Variants in RTN1 observed in about 807,000 individuals in gnomAD.
The protein encoded by RTN1 is reticulon 1.
Under a neutral mutation model 65.5 loss-of-function variants are expected in RTN1, and 25 were observed. The observed-to-expected ratio is 0.38, with a 90% CI of 0.28 to 0.53. RTN1 has a LOEUF of 0.53. RTN1 is among the 20% of genes least tolerant of loss of function. RTN1 has a pLI of 0.79. For synonymous variants in RTN1, 471 were observed against 447.6 expected, an observed-to-expected ratio of 1.05 and a Z score of -0.66; for missense variants, 983 against 1,025.4, an observed-to-expected ratio of 0.96 and a Z score of 0.57.
At chr14:59,830,553 C>G (rs1211079600) in intron 1 of RTN1, among the ~76,000 whole-genome samples, 2 of 152,116 alleles carry the variant, frequency 1.3e-5, no homozygotes, top group Admixed American at 6.5e-5. Flanking sequence ...TGTGTGACTC[C>G]GAGCAAACAG....
At chr14:59,688,064 G>C (rs1883885138) in intron 3 of RTN1, among the ~76,000 whole-genome samples, 1 of 151,902 alleles carries the variant, frequency 6.6e-6, no homozygotes, top group Non-Finnish European at 1.5e-5. Flanking sequence ...ATGTAGAACA[G>C]AAGCCTGAGC....
At chr14:59,757,928 T>C (rs1002079786) in intron 1 of RTN1, among the ~76,000 whole-genome samples, 1 of 152,220 alleles carries the variant, frequency 6.6e-6, no homozygotes, top group Non-Finnish European at 1.5e-5. Context: ...AAGTTTACTC[T>C]TGGTGGTGTA....
intron 3 of RTN1, chr14:59,630,354 G>T: frequency 2.0e-6 from 3 of 1,531,160 alleles, no homozygotes; most frequent in Admixed American, 1.7e-5. Context: ...AGCATGCACA[G>T]GTCCCACAGG....
chr14:59,722,923 G>A (rs966626753), intron 3 of RTN1, among the ~76,000 whole-genome samples: 1 of 151,410 alleles, frequency 6.6e-6, no homozygotes, highest in Non-Finnish European at 1.5e-5. Context: ...TCAGCCACCT[G>A]AGTAGCTGGG....
intron 2 of RTN1, among the ~76,000 whole-genome samples, chr14:59,732,011 G>A (rs1051609765): frequency 1.3e-5 from 2 of 152,330 alleles, no homozygotes; most frequent in Admixed American, 6.5e-5. Context: ...AGGTGCAATT[G>A]TGTTGTACAA....
intron 1 of RTN1, among the ~76,000 whole-genome samples, chr14:59,791,176 T>C (rs1340806713): frequency 6.6e-6 from 1 of 152,196 alleles, no homozygotes; most frequent in Admixed American, 6.6e-5. Flanking sequence ...CATTCTGTTC[T>C]CCTCTCTTTT....
chr14:59,823,091 G>C (rs1886971319), intron 1 of RTN1, among the ~76,000 whole-genome samples: 1 of 152,214 alleles, frequency 6.6e-6, no homozygotes, highest in South Asian at 2.1e-4. Flanking sequence ...GTCTAACACT[G>C]TTGTCACTGG....
At chr14:59,617,677 T>C (rs1882141462) in intron 3 of RTN1, among the ~76,000 whole-genome samples, 1 of 152,208 alleles carries the variant, frequency 6.6e-6, no homozygotes, top group Admixed American at 6.5e-5. Context: ...GAAGCAAATC[T>C]TTGCTTTTAA....
intron 1 of RTN1, among the ~76,000 whole-genome samples, chr14:59,782,150 C>A (rs1008186910): frequency 1.2e-4 from 18 of 152,178 alleles, no homozygotes; most frequent in African/African-American, 3.9e-4. Flanking sequence ...GACACCAAAT[C>A]TGCCTTGATC....
intron 1 of RTN1, among the ~76,000 whole-genome samples, chr14:59,848,404 C>T (rs12434157): frequency 3.3e-5 from 5 of 152,050 alleles, no homozygotes; most frequent in Admixed American, 1.3e-4. Flanking sequence ...AACAGAATTC[C>T]TTTATCATCA....
At chr14:59,605,563 G>A in intron 4 of RTN1, 57 bp from the exon 5 acceptor site, 2 of 1,585,698 alleles carry the variant, frequency 1.3e-6, no homozygotes, top group Non-Finnish European at 1.7e-6. Flanking sequence ...GAGACAGGCT[G>A]CCGAACCCCA....
intron 1 of RTN1, among the ~76,000 whole-genome samples, chr14:59,861,636 T>G (rs1182635412): frequency 6.6e-6 from 1 of 152,204 alleles, no homozygotes; most frequent in East Asian, 1.9e-4. Context: ...AGAATCTGTC[T>G]TTTCTGATCA....
intron 1 of RTN1, among the ~76,000 whole-genome samples, chr14:59,828,938 ATCTC>A (rs1181750156): frequency 2.6e-5 from 4 of 152,092 alleles, no homozygotes; most frequent in African/African-American, 7.2e-5. Flanking sequence ...GCCTAATGGA[ATCTC>A]TCTCTCTGCC....
At chr14:59,653,313 T>C (rs1883056606) in intron 3 of RTN1, among the ~76,000 whole-genome samples, 1 of 152,076 alleles carries the variant, frequency 6.6e-6, no homozygotes, top group Non-Finnish European at 1.5e-5. Flanking sequence ...ATCCAGAAAA[T>C]TATCTAAAAC....
In RTN1 at chr14:59,825,728, TCCTCAGTG is replaced by T. The variant is rs1355485944; in HGVS notation, c.241+44654_241+44661del. Reference sequence around the variant, plus strand: ...TTACACAGAATTTTACAGTCTACCTTCCTCAGTGCCCCATCTTACTCTCCATTTTAGAG... The same window carrying T: ...TTACACAGAATTTTACAGTCTACCTTCCCCATCTTACTCTCCATTTTAGAG... On this transcript the variant is annotated intron_variant, in intron 1 of 8. Coordinates refer to ENST00000267484, the MANE Select transcript of RTN1 (RefSeq NM_021136.3). This position sits in a 1 kb window ranked among gnomAD's most constrained non-coding sequence, Gnocchi z 4.2. Among the ~76,000 whole-genome samples, 1 of 152,206 alleles carries T rather than the reference TCCTCAGTG, an allele frequency of 6.6e-6. No individual in the cohort carries two copies. The highest frequency in any genetic ancestry group is 1.5e-5 in the Non-Finnish European group (1 of 68,042).
At chr14:59,818,658 T>C (rs1308149521) in intron 1 of RTN1, among the ~76,000 whole-genome samples, 2 of 152,342 alleles carry the variant, frequency 1.3e-5, no homozygotes, top group South Asian at 2.1e-4. Context: ...TAGGAGGATT[T>C]ATATTTCTTT....
intron 1 of RTN1, among the ~76,000 whole-genome samples, chr14:59,763,170 G>A (rs904201559): frequency 6.6e-6 from 1 of 152,184 alleles, no homozygotes; most frequent in African/African-American, 2.4e-5. Context: ...TCAGAATAGA[G>A]TATAAAAGTT....
chr14:59,658,320 C>T (rs1353705484), intron 3 of RTN1, among the ~76,000 whole-genome samples: 1 of 152,208 alleles, frequency 6.6e-6, no homozygotes, highest in Non-Finnish European at 1.5e-5. Context: ...GCTGTGGGAG[C>T]AGCTTCAGCA....
At chr14:59,670,176 T>C (rs537446326) in intron 3 of RTN1, among the ~76,000 whole-genome samples, 1 of 152,324 alleles carries the variant, frequency 6.6e-6, no homozygotes, top group African/African-American at 2.4e-5. Flanking sequence ...TGTAGTGAGA[T>C]AGTGTAAAGT....
Sources: allele counts gnomAD v4.1 joint callset (sites outside exome capture counted in the v4.1 genomes callset), GRCh38; gene constraint gnomAD v4.1.1; non-coding constraint Gnocchi (gnomAD v3.1); transcripts MANE v1.5; gene names NCBI Gene and HGNC (gene_info 2026-07-23, HGNC 2026-07-21).